GRID2: variants seen among roughly 807,000 people sequenced by gnomAD.
GRID2 encodes the protein glutamate receptor ionotropic, delta-2.
Under a neutral mutation model 114.8 loss-of-function variants are expected in GRID2, and 33 were observed. That is an observed-to-expected ratio of 0.29 (90% confidence interval 0.22 to 0.38). The LOEUF is 0.38. Ranked by LOEUF, GRID2 falls within the 10% of genes least tolerant of loss-of-function variation. The pLI, the probability that GRID2 is intolerant of heterozygous loss-of-function variation, is 1.00. For synonymous variants in GRID2, 505 were observed against 449.9 expected (o/e 1.12, Z -1.55); for missense variants, 1,184 against 1,257.7 (o/e 0.94, Z 0.89).
intron 14 of GRID2, among the ~76,000 whole-genome samples, chr4:93,630,113 T>C (rs1049167301): frequency 2.0e-5 from 3 of 152,202 alleles, no homozygotes; most frequent in African/African-American, 7.2e-5. Context: ...ACCATAGAAA[T>C]GGCTAGAAGA....
chr4:92,813,645 C>G (rs1041330314), intron 2 of GRID2, among the ~76,000 whole-genome samples: 1 of 152,026 alleles, frequency 6.6e-6, no homozygotes, highest in Non-Finnish European at 1.5e-5. Context: ...AACTTCAGTA[C>G]AGACACACGC....
At chr4:93,565,197 A>G (rs1735289309) in intron 13 of GRID2, among the ~76,000 whole-genome samples, 1 of 152,156 alleles carries the variant, frequency 6.6e-6, no homozygotes, top group South Asian at 2.1e-4. Flanking sequence ...TGAGTCATTC[A>G]TTTTAAAAAT....
At chr4:93,266,494 C>G (rs1293186342) in intron 8 of GRID2, among the ~76,000 whole-genome samples, 1 of 152,004 alleles carries the variant, frequency 6.6e-6, no homozygotes, top group Non-Finnish European at 1.5e-5. Context: ...ACACACAGCC[C>G]AAAAGGTTGA....
At chr4:93,014,558 T>A (rs985814734) in intron 2 of GRID2, among the ~76,000 whole-genome samples, 9 of 152,002 alleles carry the variant, frequency 5.9e-5, no homozygotes, top group Non-Finnish European at 1.3e-4. Flanking sequence ...ACATGAGAAA[T>A]TTTTGTTTCA....
intron 2 of GRID2, among the ~76,000 whole-genome samples, chr4:93,057,713 A>G (rs542074984): frequency 2.6e-4 from 39 of 151,984 alleles, no homozygotes; most frequent in African/African-American, 8.4e-4. Flanking sequence ...TAGCCTCAGA[A>G]GTGGGAAACG....
intron 11 of GRID2, among the ~76,000 whole-genome samples, chr4:93,489,819 T>G (rs1580228067): frequency 6.6e-6 from 1 of 151,812 alleles, no homozygotes; most frequent in South Asian, 2.1e-4. Context: ...AATTTGGGAG[T>G]AAAATAAAAT....
chr4:93,486,154 C>G (rs765941518), intron 11 of GRID2, among the ~76,000 whole-genome samples: 13 of 151,572 alleles, frequency 8.6e-5, no homozygotes, highest in Non-Finnish European at 1.8e-4. Flanking sequence ...TCTATGTTGT[C>G]AGTGTTGCTG....
chr4:92,389,033 A>G (rs1360307023), intron 1 of GRID2, among the ~76,000 whole-genome samples: 1 of 152,038 alleles, frequency 6.6e-6, no homozygotes, highest in African/African-American at 2.4e-5. Context: ...GGTTAACCCA[A>G]AGTTTGTCAA....
chr4:92,835,565 T>A (rs1373220888), intron 2 of GRID2, among the ~76,000 whole-genome samples: 1 of 152,128 alleles, frequency 6.6e-6, no homozygotes. Context: ...CATGAGGTCC[T>A]GTTGACAAGG....
At chr4:93,304,969 T>C (rs1293747074) in intron 8 of GRID2, among the ~76,000 whole-genome samples, 1 of 152,222 alleles carries the variant, frequency 6.6e-6, no homozygotes, top group Non-Finnish European at 1.5e-5. Context: ...TTTGTTGTTC[T>C]GCTGGGTTTT....
chr4:92,895,384 C>CATATATATATATATATATAT (rs10528035), intron 2 of GRID2, among the ~76,000 whole-genome samples: 7,476 of 107,256 alleles, frequency 0.07, 467 homozygotes, highest in African/African-American at 0.082. Flanking sequence ...ATGTAGAAAA[C>CATATATATATATATATATAT]ATATATATAT....
chr4:92,734,362 G>A (rs994974306), intron 2 of GRID2, among the ~76,000 whole-genome samples: 15 of 151,712 alleles, frequency 9.9e-5, no homozygotes, highest in Non-Finnish European at 1.5e-4. Flanking sequence ...GCTCACTGTG[G>A]CCTCAAACTC....
At chr4:92,447,112 A>G (rs924198024) in intron 1 of GRID2, among the ~76,000 whole-genome samples, 2 of 152,226 alleles carry the variant, frequency 1.3e-5, no homozygotes, top group African/African-American at 2.4e-5. Context: ...TAAAACAACC[A>G]TAAATAAGAT....
At chr4:93,658,030 A>G (rs1275568948) in intron 14 of GRID2, among the ~76,000 whole-genome samples, 1 of 152,224 alleles carries the variant, frequency 6.6e-6, no homozygotes, top group Non-Finnish European at 1.5e-5. Context: ...ATCCTGTTCA[A>G]AAAGGTTATT....
At chr4:92,745,568 T>A (rs1048315262) in intron 2 of GRID2, among the ~76,000 whole-genome samples, 8 of 152,164 alleles carry the variant, frequency 5.3e-5, no homozygotes, top group African/African-American at 1.9e-4. Context: ...TAATACTAGA[T>A]GAGAATTTTA....
chr4:93,148,186 A>T (rs185198810), intron 4 of GRID2, among the ~76,000 whole-genome samples: 1 of 152,240 alleles, frequency 6.6e-6, no homozygotes, highest in Admixed American at 6.5e-5. Context: ...GACACTGACC[A>T]TGATTAAAAC....
intron 8 of GRID2, 54 bp downstream of exon 8, chr4:93,238,544 G>T: frequency 2.0e-6 from 3 of 1,520,734 alleles, no homozygotes; most frequent in South Asian, 2.3e-5. Flanking sequence ...GGTTTTGCTT[G>T]ATTGTTTTCC....
intron 8 of GRID2, among the ~76,000 whole-genome samples, chr4:93,262,054 A>G (rs1487910360): frequency 6.6e-6 from 1 of 151,490 alleles, no homozygotes; most frequent in South Asian, 2.1e-4. Flanking sequence ...TTGGAGAAAT[A>G]AAATATGTAT....
Position 93,680,376 on chromosome 4 carries a change from T to C in GRID2, c.2360+53941T>C, listed in dbSNP as rs978439520. Among the ~76,000 whole-genome samples the C allele has an allele frequency of 2.3e-3, 348 of 151,946 alleles. 3 individuals carry two copies. Among genetic ancestry groups the C allele is most frequent in the African/African-American group, 7.5e-3 (308 of 41,294 alleles). ...AAGGAGGAACTGGTACCATTCCTTC[T>C]GAAGCTATTCCAATCAATAGAAAAA... On this transcript the variant is annotated intron_variant, in intron 14 of 15. Transcript: ENST00000282020.
Sources: gnomAD v4.1 joint callset for allele counts (sites outside exome capture counted in the v4.1 genomes callset) on GRCh38, gnomAD v4.1.1 for gene constraint, MANE v1.5 for transcripts, NCBI Gene and HGNC (gene_info 2026-07-23, HGNC 2026-07-21) for gene names.